GREB1: variants seen among roughly 807,000 people sequenced by gnomAD.
The protein encoded by GREB1 is protein GREB1.
GREB1 carries 106 observed loss-of-function variants against 200.7 expected under a neutral mutation model. The ratio of observed to expected loss-of-function variants is 0.53; its 90% confidence interval spans 0.45 to 0.62. The LOEUF (loss-of-function observed/expected upper bound fraction) is 0.62, where lower values mean the gene tolerates loss of function less well. Among genes scored for constraint, GREB1 ranks in the 20% least tolerant of loss-of-function variants. GREB1 has a pLI of 0.00. For missense variants in GREB1, 2,243 were observed against 2,556.8 expected (o/e 0.88, Z 2.65); for synonymous variants, 1,132 against 1,092.4 (o/e 1.04, Z -0.72).
At chr2:11,553,009 C>CAAAAAA (rs370234359) in intron 1 of GREB1, among the ~76,000 whole-genome samples, 11 of 80,896 alleles carry the variant, frequency 1.4e-4, no homozygotes, top group African/African-American at 3.1e-4. Context: ...AACTCCGTCT[C>CAAAAAA]AAAAAAAAAA....
Position 11,595,356 on chromosome 2 carries a change from C to A in GREB1, c.1802C>A (p.Ala601Asp). Residue 601 changes from alanine (A) to aspartate (D), a missense_variant, in exon 12 of 33, where the codon GCC (alanine) becomes GAC (aspartate). By Grantham distance (126) the Ala-to-Asp change is moderately radical. This residue lies in a region of GREB1 where 1,178 missense variants were observed against 1,387.4 expected (regional missense o/e 0.85). Coordinates refer to ENST00000381486, the MANE Select transcript of GREB1 (RefSeq NM_014668.4). ...ACGGGGAAGGTAGACTCGCTGGGGG[C>A]CTTCTTTAGCACCCTCTGTCCAGGT... is the stretch of plus-strand genomic sequence containing the variant. Reference protein sequence around the residue: ...LVTGKVDSLGAFFSTLCPEGD... With the variant: ...LVTGKVDSLGDFFSTLCPEGD... 1.9e-6 allele frequency: 3 copies of A among 1,613,682 alleles called. No homozygotes were observed. The highest frequency in any genetic ancestry group is 2.5e-6 in the Non-Finnish European group (3 of 1,179,756).
intron 20 of GREB1, 128 bp downstream of exon 20, chr2:11,615,418 C>T: frequency 1.4e-6 from 1 of 730,260 alleles, no homozygotes. Context: ...GACCTGTCTG[C>T]TGGACAGCGG....
At chr2:11,607,666 TATGA>T (rs1437766388) in intron 17 of GREB1, among the ~76,000 whole-genome samples, 3 of 121,176 alleles carry the variant, frequency 2.5e-5, no homozygotes, top group African/African-American at 9.7e-5. Flanking sequence ...AGCACAGTTT[TATGA>T]CAAGATTCCT....
At chr2:11,562,680 G>T in intron 3 of GREB1, 98 bp downstream of exon 3, 1 of 1,356,876 alleles carries the variant, frequency 7.4e-7, no homozygotes, top group Non-Finnish European at 9.9e-7. Flanking sequence ...TGCTGCAGGG[G>T]TCCTCTTTGC....
At chr2:11,497,041 C>G (rs1376934372) in intron 1 of GREB1, among the ~76,000 whole-genome samples, 2 of 152,144 alleles carry the variant, frequency 1.3e-5, no homozygotes, top group African/African-American at 4.8e-5. Flanking sequence ...AAGTGATCCT[C>G]CTGCCTTCGC....
At position 11,534,065 on chromosome 2, in the gene GREB1, A is replaced by G. The variant is rs893047798; in HGVS notation, c.-351A>G. On this transcript the variant is annotated 5_prime_UTR_variant, in exon 1 of 33. Transcript: ENST00000381486. ...CACATGCTAAATGGTTAAGAGATAC[A>G]TAAATACTGCAGTAGAGATGGGATT... 3 of 152,218 alleles carry G rather than the reference A, an allele frequency of 2.0e-5. No individual in the cohort carries two copies. Among genetic ancestry groups the G allele is most frequent in the African/African-American group, 7.2e-5 (3 of 41,450 alleles). 9.4% of individuals were successfully genotyped at this position (152,218 alleles called of 1,614,324 possible).
chr2:11,596,235 C>T lies in GREB1; in HGVS notation c.1950C>T (p.Cys650=), dbSNP rs748354336. 3 of 1,612,850 alleles carry T rather than the reference C, an allele frequency of 1.9e-6. No individual in the cohort carries two copies. The highest frequency in any genetic ancestry group is 2.2e-5 in the South Asian group (2 of 90,958). The change falls in exon 13 of 33, where the codon TGC becomes TGT. Residue 650 remains cysteine (C), a synonymous_variant. Coordinates refer to ENST00000381486, the MANE Select transcript of GREB1 (RefSeq NM_014668.4). ...TGGATGTCAGTGGGACACCGGTGTG[C>T]ACAAGTGAGTGGTGAAAAGGAATCT... is the stretch of plus-strand genomic sequence containing the variant. The part of the protein sequence containing the change: ...ASLDVSGTPV[C]TSYNLEPHSI...
At chr2:11,500,749 C>T (rs1477820240) in intron 1 of GREB1, among the ~76,000 whole-genome samples, 1 of 152,222 alleles carries the variant, frequency 6.6e-6, no homozygotes, top group Non-Finnish European at 1.5e-5. Context: ...AGCGGAACCA[C>T]AGAGCTTTAC....
rs1469603963 is a variant in GREB1, at chr2:11,600,972, C to T, written c.2506C>T (p.His836Tyr). The change falls in exon 16 of 33, where the codon CAC (histidine) becomes TAC (tyrosine). Residue 836 changes from histidine to tyrosine, a missense_variant. His to Tyr is a moderately conservative substitution (Grantham distance 83, BLOSUM62 2). This residue lies in a region of GREB1 where 1,178 missense variants were observed against 1,387.4 expected (regional missense o/e 0.85). Transcript: ENST00000381486. ...HTLISPYNEIHWPASCSNGVD... is the reference protein window; with the variant it reads ...HTLISPYNEIYWPASCSNGVD... ...CCTCATCAGCCCCTACAACGAGATC[C>T]ACTGGCCTGCCTCCTGCAGTAATGT... is the stretch of plus-strand genomic sequence containing the variant. 5 of 1,612,756 alleles carry T rather than the reference C, an allele frequency of 3.1e-6. No individual in the cohort carries two copies. The highest frequency in any genetic ancestry group is 4.2e-6 in the Non-Finnish European group (5 of 1,178,834).
intron 1 of GREB1, among the ~76,000 whole-genome samples, chr2:11,544,789 C>G (rs112163687): frequency 1.3e-4 from 20 of 152,206 alleles, no homozygotes; most frequent in African/African-American, 4.6e-4. Context: ...GTCTGCAGGC[C>G]ACATTCTTAG....
intron 1 of GREB1, among the ~76,000 whole-genome samples, chr2:11,508,531 T>A (rs989974771): frequency 2.6e-5 from 4 of 152,166 alleles, no homozygotes; most frequent in Non-Finnish European, 4.4e-5. Flanking sequence ...CTTCCTGACA[T>A]CTTTGCCTGG....
At chr2:11,607,971 A>G (rs1350704591) in intron 17 of GREB1, among the ~76,000 whole-genome samples, 1 of 152,140 alleles carries the variant, frequency 6.6e-6, no homozygotes, top group Non-Finnish European at 1.5e-5. Flanking sequence ...ATCTCACTGC[A>G]CAGTGTCTTC....
At position 11,618,892 on chromosome 2, in the gene GREB1, C is replaced by G; in HGVS notation, c.4017C>G (p.Arg1339=). 6.5e-7 allele frequency: 1 copy of G among 1,549,674 alleles called. No homozygotes were observed. The highest frequency in any genetic ancestry group is 8.7e-7 in the Non-Finnish European group (1 of 1,152,962). The change falls in exon 22 of 33, where the codon CGC becomes CGG. Residue 1339 remains arginine, a synonymous_variant. Coordinates refer to ENST00000381486, the MANE Select transcript of GREB1 (RefSeq NM_014668.4). ...AEGRVDGFHP[R]RLLLSGPPQI... is the part of the protein sequence containing the mutation. Reference sequence around the variant, plus strand: ...GCCGCGTGGACGGCTTCCACCCCCGCAGGCTGCTGCTCAGCGGCCCCCCTC... The same window carrying G: ...GCCGCGTGGACGGCTTCCACCCCCGGAGGCTGCTGCTCAGCGGCCCCCCTC...
chr2:11,566,214 A>G (rs1290364002), intron 3 of GREB1, among the ~76,000 whole-genome samples: 1 of 152,000 alleles, frequency 6.6e-6, no homozygotes, highest in Non-Finnish European at 1.5e-5. Context: ...ATGGGGTTTC[A>G]CTACATTGGC....
At chr2:11,602,276 C>T (rs1013183359) in intron 16 of GREB1, 130 bp from the exon 17 acceptor site, 1 of 714,742 alleles carries the variant, frequency 1.4e-6, no homozygotes, top group African/African-American at 1.8e-5. Context: ...AAATGCCATC[C>T]AAGCCACTGC....
At chr2:11,615,746 C>T (rs1041348700) in intron 20 of GREB1, among the ~76,000 whole-genome samples, 7 of 152,234 alleles carry the variant, frequency 4.6e-5, no homozygotes, top group Non-Finnish European at 8.8e-5. Flanking sequence ...GGCTCATTTG[C>T]AGACTCTTCA....
intron 1 of GREB1, among the ~76,000 whole-genome samples, chr2:11,538,681 C>A (rs1674436480): frequency 3.7e-5 from 2 of 54,020 alleles, no homozygotes; most frequent in South Asian, 2.4e-3. Flanking sequence ...TTCTTTCTTT[C>A]TTTCTTTCCT....
intron 30 of GREB1, among the ~76,000 whole-genome samples, chr2:11,635,859 A>G (rs1475677695): frequency 6.6e-6 from 1 of 152,170 alleles, no homozygotes; most frequent in Non-Finnish European, 1.5e-5. Context: ...GGCCTGGGGA[A>G]TTAAGACGTA....
rs567327000 is a variant in GREB1 at position 11,633,562 on chromosome 2, TA to T, written c.4991+513del. On this transcript the variant is annotated intron_variant, in intron 28 of 32. Coordinates refer to ENST00000381486, the MANE Select transcript of GREB1 (RefSeq NM_014668.4). The surrounding 1 kb of genome is among the most constrained non-coding windows in gnomAD (Gnocchi z 4.1). ...CTGGCAGACAGAGCGAGACTCCGTCTAAAAAAAAAAAAAAGAAAGAAAAAAA... is the reference window on the plus strand; with the variant it reads ...CTGGCAGACAGAGCGAGACTCCGTCTAAAAAAAAAAAAAGAAAGAAAAAAA... Among the ~76,000 whole-genome samples the T allele has an allele frequency of 3.3e-3, 431 of 131,510 alleles. No homozygotes were observed. The highest frequency in any genetic ancestry group is 3.2e-3 in the Non-Finnish European group (201 of 62,296). 86.3% of individuals were successfully genotyped at this position (131,510 alleles called of 152,430 possible).
Sources: gnomAD v4.1 joint callset for allele counts (sites outside exome capture counted in the v4.1 genomes callset) on GRCh38, gnomAD v4.1.1 for gene constraint, gnomAD v4.1.1 regional missense constraint, Gnocchi (gnomAD v3.1) non-coding constraint, MANE v1.5 for transcripts, NCBI Gene and HGNC (gene_info 2026-07-23, HGNC 2026-07-21) for gene names.